The following HSPA12A variants were observed in gnomAD, a reference collection of about 807,000 sequenced individuals.
HSPA12A encodes heat shock 70 kDa protein 12A.
HSPA12A carries 28 observed loss-of-function variants against 69.2 expected under a neutral mutation model. That is an observed-to-expected ratio of 0.40 (90% CI 0.30 to 0.55). The LOEUF is 0.55. HSPA12A is among the 20% of genes least tolerant of loss of function. The probability of loss-of-function intolerance (pLI) is 0.38; values close to 1 mark genes in which losing one functional copy is unlikely to be tolerated. For missense variants in HSPA12A, 686 were observed against 900.7 expected, an observed-to-expected ratio of 0.76 and a Z score of 3.05; for synonymous variants, 345 against 370.5, an observed-to-expected ratio of 0.93 and a Z score of 0.79.
chr10:116,677,803 A>T (rs1291273280), intron 10 of HSPA12A, among the ~76,000 whole-genome samples: 1 of 152,224 alleles, frequency 6.6e-6, no homozygotes, highest in Non-Finnish European at 1.5e-5. Context: ...ATTCAGAGCC[A>T]ACGTGAGAAG....
At chr10:116,747,931 G>A (rs1851686646) in intron 2 of HSPA12A, among the ~76,000 whole-genome samples, 1 of 152,144 alleles carries the variant, frequency 6.6e-6, no homozygotes, top group Non-Finnish European at 1.5e-5. Flanking sequence ...CCTGGGAAGT[G>A]GAGGTTGTAG....
Position 116,799,092 on chromosome 10 carries a change from C to A in HSPA12A, c.91+35843G>T, listed in dbSNP as rs1023922976. 2.0e-5 allele frequency among the ~76,000 whole-genome samples: 3 copies of A among 152,088 alleles called. No individual in the cohort carries two copies. The East Asian group carries it at 5.8e-4, about 30-fold the overall frequency. On this transcript the variant is annotated intron_variant, in intron 2 of 12. Transcript: ENST00000635765. ...CCACTCCCACAGCCTGGTCAGGAAACCTGTGTCACTGACGGAGGATTAAAG... is the reference window on the plus strand; with the variant it reads ...CCACTCCCACAGCCTGGTCAGGAAAACTGTGTCACTGACGGAGGATTAAAG...
intron 2 of HSPA12A, among the ~76,000 whole-genome samples, chr10:116,782,293 G>A (rs189420859): frequency 1.3e-5 from 2 of 152,292 alleles, no homozygotes; most frequent in East Asian, 1.9e-4. Flanking sequence ...AGGCTTATTC[G>A]ACTGTTTTGG....
At chr10:116,754,140 G>A (rs1157381565) in intron 2 of HSPA12A, among the ~76,000 whole-genome samples, 4 of 152,102 alleles carry the variant, frequency 2.6e-5, no homozygotes, top group Non-Finnish European at 4.4e-5. Context: ...CTGCTCCACC[G>A]AAGTCCTTCC....
At chr10:116,708,954 G>A (rs1392003902) in intron 1 of HSPA12A, among the ~76,000 whole-genome samples, 1 of 152,132 alleles carries the variant, frequency 6.6e-6, no homozygotes, top group South Asian at 2.1e-4. Context: ...AATATAAAAC[G>A]GGACAACTGC....
intron 1 of HSPA12A, among the ~76,000 whole-genome samples, chr10:116,741,425 C>A (rs1006367262): frequency 2.0e-5 from 3 of 152,248 alleles, no homozygotes; most frequent in African/African-American, 4.8e-5. Context: ...ATCATCCTCG[C>A]AGGCGGCTTG....
chr10:116,749,318 T>C (rs1361080773), intron 2 of HSPA12A, among the ~76,000 whole-genome samples: 4 of 152,336 alleles, frequency 2.6e-5, no homozygotes, highest in African/African-American at 9.6e-5. Flanking sequence ...AAGCACCTGC[T>C]ATGTGCTGGG....
intron 1 of HSPA12A, among the ~76,000 whole-genome samples, chr10:116,736,632 G>A (rs1399400014): frequency 1.3e-5 from 2 of 152,192 alleles, no homozygotes; most frequent in Non-Finnish European, 2.9e-5. Context: ...ATGTGGCAAT[G>A]AAAGCAGGGG....
intron 1 of HSPA12A, among the ~76,000 whole-genome samples, chr10:116,735,539 C>T (rs1851287542): frequency 6.6e-6 from 1 of 152,150 alleles, no homozygotes; most frequent in Admixed American, 6.5e-5. Flanking sequence ...GAGAACGAAG[C>T]CCAGCCGACA....
intron 2 of HSPA12A, among the ~76,000 whole-genome samples, chr10:116,747,748 C>T (rs2133080861): frequency 6.6e-6 from 1 of 152,262 alleles, no homozygotes; most frequent in East Asian, 1.9e-4. Flanking sequence ...CCTGTAATCG[C>T]AGCATTTGGG....
rs552531682 is a variant in HSPA12A at position 116,778,643 on chromosome 10, A to G, written c.91+56292T>C. Among the ~76,000 whole-genome samples the G allele has an allele frequency of 1.1e-4, 17 of 152,376 alleles. No individual in the cohort carries two copies. The South Asian group carries it at 3.5e-3, about 32-fold the overall frequency. ...AGGCTGGGCATGGAGGCTCAAGCCT[A>G]TAAATCCCAGCATGTTGGGAGGCCA... is the stretch of plus-strand genomic sequence containing the variant. On this transcript the variant is annotated intron_variant, in intron 2 of 12. Transcript: ENST00000635765.
chr10:116,850,002 C>G, upstream of HSPA12A: 4 of 616,676 alleles, frequency 6.5e-6, no homozygotes, highest in Non-Finnish European at 5.8e-6. Context: ...AGCCCAGGGG[C>G]TGGCAGGCTT....
intron 2 of HSPA12A, among the ~76,000 whole-genome samples, chr10:116,792,057 A>T (rs187472692): frequency 6.6e-5 from 10 of 152,028 alleles, no homozygotes; most frequent in Admixed American, 6.6e-4. Context: ...CATTAATAAT[A>T]ATAATATAAT....
At chr10:116,711,671 T>TC (rs1174560597) in intron 1 of HSPA12A, among the ~76,000 whole-genome samples, 1 of 146,040 alleles carries the variant, frequency 6.8e-6, no homozygotes, top group African/African-American at 2.5e-5. Flanking sequence ...TTTTTTCTTT[T>TC]TTTTTTTTTT....
chr10:116,711,742 C>A (rs1268400642), intron 1 of HSPA12A, among the ~76,000 whole-genome samples: 2 of 148,082 alleles, frequency 1.4e-5, no homozygotes, highest in African/African-American at 5.0e-5. Context: ...CGGCTCACTG[C>A]AAGCTCCACC....
chr10:116,817,695 C>CA (rs560266271), intron 2 of HSPA12A, among the ~76,000 whole-genome samples: 3 of 152,004 alleles, frequency 2.0e-5, no homozygotes, highest in South Asian at 2.1e-4. Flanking sequence ...CAAAGTCCCC[C>CA]AAAAAAACCC....
At chr10:116,759,986 C>A (rs1464806854) in intron 2 of HSPA12A, among the ~76,000 whole-genome samples, 1 of 152,192 alleles carries the variant, frequency 6.6e-6, no homozygotes, top group Non-Finnish European at 1.5e-5. Context: ...CCACATGGAA[C>A]TATGAACCCA....
At chr10:116,848,048 T>C (rs1845926956) in intron 1 of HSPA12A, among the ~76,000 whole-genome samples, 1 of 152,116 alleles carries the variant, frequency 6.6e-6, no homozygotes, top group African/African-American at 2.4e-5. Context: ...CAGGGGTGTA[T>C]GAGGAAAGGC....
chr10:116,779,889 C>A (rs1554891599), intron 2 of HSPA12A, among the ~76,000 whole-genome samples: 1 of 152,094 alleles, frequency 6.6e-6, no homozygotes. Context: ...TCCATGTGGG[C>A]CCATGGCACC....
Sources: allele counts gnomAD v4.1 joint callset (sites outside exome capture counted in the v4.1 genomes callset), GRCh38; gene constraint gnomAD v4.1.1; transcripts MANE v1.5; gene names NCBI Gene and HGNC (gene_info 2026-07-23, HGNC 2026-07-21).